CHRDL1: variants seen among roughly 807,000 people sequenced by gnomAD.
The protein encoded by CHRDL1 is chordin like 1.
Under a neutral mutation model 40.9 loss-of-function variants are expected in CHRDL1, and 19 were observed. The observed-to-expected ratio is 0.46, with a 90% confidence interval of 0.32 to 0.68. The LOEUF (loss-of-function observed/expected upper bound fraction) is 0.68, where lower values mean the gene tolerates loss of function less well. CHRDL1 is among the 30% of genes least tolerant of loss of function. The pLI, the probability that CHRDL1 is intolerant of heterozygous loss-of-function variation, is 0.03. For synonymous variants in CHRDL1, 136 were observed against 123.4 expected (o/e 1.10, Z -0.68); for missense variants, 329 against 352.1 (o/e 0.93, Z 0.53).
chrX:110,689,123 G>A (rs1241825248), intron 8 of CHRDL1, among the ~76,000 whole-genome samples: 3 of 88,671 alleles, frequency 3.4e-5, no homozygotes, highest in Non-Finnish European at 4.3e-5. Context: ...TTTTAAGACC[G>A]GATCTTGCTC....
chrX:110,703,930 A>G (rs1225244050), intron 6 of CHRDL1, among the ~76,000 whole-genome samples: 2 of 111,367 alleles, frequency 1.8e-5, no homozygotes, highest in Admixed American at 1.9e-4. Flanking sequence ...TATGAAAACA[A>G]GAGAAATTAC....
chrX:110,684,394 C>A (rs1228038453), intron 9 of CHRDL1, among the ~76,000 whole-genome samples: 1 of 111,731 alleles, frequency 9.0e-6, no homozygotes, highest in Admixed American at 9.5e-5. Flanking sequence ...TCTTCTGTGT[C>A]ATGTGTCATT....
At chrX:110,694,873 A>G (rs1003518516) in intron 7 of CHRDL1, among the ~76,000 whole-genome samples, 2 of 111,983 alleles carry the variant, frequency 1.8e-5, no homozygotes, top group Non-Finnish European at 3.8e-5. Flanking sequence ...GAGAAGGTGA[A>G]GAAGAGAACA....
rs2069777163 is a variant in CHRDL1 at position 110,676,334 on chromosome X, T to G, written c.1274A>C (p.Glu425Ala). ...LSQWKIFTEG[E>A]AQISQMCSSR... is the part of the protein sequence containing the mutation. ...TGAACACATCTGGCTGATCTGAGCT[T>G]CTCCTTCGGTGAAGATCTTCCACTG... Residue 425 changes from glutamate to alanine, a missense_variant, in exon 12 of 12, where the codon GAA (glutamate) becomes GCA (alanine). Coordinates refer to ENST00000372042, the MANE Select transcript of CHRDL1 (RefSeq NM_001143981.2). 3 of 1,208,600 alleles carry G rather than the reference T, an allele frequency of 2.5e-6. No homozygotes were observed. In the African/African-American group the frequency reaches 5.3e-5, roughly 21 times the overall value.
chrX:110,693,085 G>A (rs188947452), intron 8 of CHRDL1, among the ~76,000 whole-genome samples: 1 of 109,235 alleles, frequency 9.2e-6, no homozygotes, highest in African/African-American at 3.3e-5. Context: ...TTGACAGGAG[G>A]CCTAAAAAAG....
intron 8 of CHRDL1, among the ~76,000 whole-genome samples, chrX:110,691,380 A>C (rs956401825): frequency 9.1e-6 from 1 of 110,483 alleles, no homozygotes; most frequent in Admixed American, 9.8e-5. Flanking sequence ...ACAAGGCTGC[A>C]GATGGGGAAG....
At chrX:110,776,350 C>T (rs973970761) in intron 2 of CHRDL1, among the ~76,000 whole-genome samples, 2 of 109,725 alleles carry the variant, frequency 1.8e-5, no homozygotes, top group Non-Finnish European at 3.8e-5. Context: ...GATAAATTCT[C>T]TGAATACAGA....
At chrX:110,697,449 T>C (rs986124452) in intron 7 of CHRDL1, among the ~76,000 whole-genome samples, 34 of 110,949 alleles carry the variant, frequency 3.1e-4, no homozygotes, top group African/African-American at 1.1e-3. Context: ...AGTGAATCTA[T>C]AGTTATCTCA....
intron 4 of CHRDL1, among the ~76,000 whole-genome samples, chrX:110,737,605 A>C (rs1181949390): frequency 1.8e-5 from 2 of 112,166 alleles, no homozygotes; most frequent in Admixed American, 1.9e-4. Context: ...TGTAGAAACA[A>C]GTCAGCTTCT....
intron 1 of CHRDL1, 27 bp from the exon 2 acceptor site, chrX:110,792,242 CTT>C (rs2148543973): frequency 4.6e-6 from 3 of 653,319 alleles, no homozygotes; most frequent in South Asian, 5.5e-5. Context: ...AGAAAAAAGA[CTT>C]AACACAGATC....
chrX:110,711,805 T>C (rs755304522), intron 6 of CHRDL1, among the ~76,000 whole-genome samples: 1 of 112,286 alleles, frequency 8.9e-6, no homozygotes, highest in African/African-American at 3.2e-5. Flanking sequence ...ATCAAGTGTC[T>C]TAGGTAAAAT....
rs368975968 is a variant in CHRDL1, at chrX:110,693,701, G to A, written c.778+462C>T. Among the ~76,000 whole-genome samples the A allele has an allele frequency of 2.9e-3, 318 of 111,215 alleles. 3 individuals carry two copies. The highest frequency in any genetic ancestry group is 9.8e-3 in the African/African-American group (299 of 30,595). ...TGCTACACATTTAACCAGAATCTGA[G>A]TGTGGGGCTAGGAATATGTATCTTT... On this transcript the variant is annotated intron_variant, in intron 8 of 11. Coordinates refer to ENST00000372042, the MANE Select transcript of CHRDL1 (RefSeq NM_001143981.2).
chrX:110,758,629 T>C (rs1431719767), intron 4 of CHRDL1, among the ~76,000 whole-genome samples: 1 of 111,602 alleles, frequency 9.0e-6, no homozygotes, highest in Non-Finnish European at 1.9e-5. Flanking sequence ...TGGATACATT[T>C]GGTTTCTCTC....
Position 110,731,871 on chromosome X carries a change from C to T in CHRDL1, c.302-10341G>A, listed in dbSNP as rs187925563. Reference sequence around the variant, plus strand: ...TTCTTTTAGAGATGACGAAAATATTCTGGAGTTAGATAGTGGTGATGGATG... The same window carrying T: ...TTCTTTTAGAGATGACGAAAATATTTTGGAGTTAGATAGTGGTGATGGATG... On this transcript the variant is annotated intron_variant, in intron 4 of 11. Coordinates refer to ENST00000372042, the MANE Select transcript of CHRDL1 (RefSeq NM_001143981.2). Among the ~76,000 whole-genome samples the T allele has an allele frequency of 2.2e-3, 242 of 110,583 alleles. 1 individual carries two copies. The highest frequency in any genetic ancestry group is 7.9e-3 in the African/African-American group (239 of 30,384).
chrX:110,682,975 T>A (rs2069933598), intron 9 of CHRDL1, among the ~76,000 whole-genome samples: 2 of 112,190 alleles, frequency 1.8e-5, no homozygotes, highest in Non-Finnish European at 3.8e-5. Context: ...GGTCACTGAG[T>A]GTACAGAGAC....
At chrX:110,769,992 A>G (rs1823853718) in intron 2 of CHRDL1, among the ~76,000 whole-genome samples, 1 of 112,550 alleles carries the variant, frequency 8.9e-6, no homozygotes, top group Admixed American at 9.4e-5. Context: ...AAGAACCTCT[A>G]TGAATCTTTC....
chrX:110,765,160 C>T (rs1378508211), intron 2 of CHRDL1, among the ~76,000 whole-genome samples: 1 of 111,023 alleles, frequency 9.0e-6, no homozygotes, highest in Non-Finnish European at 1.9e-5. Context: ...GTGACCTACT[C>T]CCTGTTCTTG....
chrX:110,706,859 C>T (rs1284651085), intron 6 of CHRDL1, among the ~76,000 whole-genome samples: 1 of 112,480 alleles, frequency 8.9e-6, no homozygotes. Context: ...TACATAGTCA[C>T]TCTAATCATA....
rs774116243 is a variant in CHRDL1 at position 110,745,986 on chromosome X, T to A, written c.301+13675A>T. 4.5e-5 allele frequency among the ~76,000 whole-genome samples: 5 copies of A among 112,228 alleles called. No homozygotes were observed. In the South Asian group the frequency reaches 1.9e-3, roughly 42 times the overall value. On this transcript the variant is annotated intron_variant, in intron 4 of 11. Transcript: ENST00000372042. ...ACACTTCTTCCATGCGTTGTGTTCC[T>A]ACTTATTGTGGAACATTTTGCATCT... is the stretch of plus-strand genomic sequence containing the variant.
Sources: gnomAD v4.1 joint callset for allele counts (sites outside exome capture counted in the v4.1 genomes callset) on GRCh38, gnomAD v4.1.1 for gene constraint, MANE v1.5 for transcripts, NCBI Gene and HGNC (gene_info 2026-07-23, HGNC 2026-07-21) for gene names.